The following PIP4K2A variants were observed in gnomAD, a reference collection of about 807,000 sequenced individuals.
The protein encoded by PIP4K2A is phosphatidylinositol 5-phosphate 4-kinase type-2 alpha.
PIP4K2A carries 14 observed loss-of-function variants against 42.9 expected under a neutral mutation model. The observed-to-expected ratio is 0.33, with a 90% CI of 0.22 to 0.51. The LOEUF (loss-of-function observed/expected upper bound fraction) is 0.51. PIP4K2A is among the 20% of genes least tolerant of loss of function. The probability of loss-of-function intolerance (pLI) is 0.97; values close to 1 mark genes in which losing one functional copy is unlikely to be tolerated. For missense variants in PIP4K2A, 434 were observed against 519.8 expected, an observed-to-expected ratio of 0.83 and a Z score of 1.61; for synonymous variants, 192 against 192.2, an observed-to-expected ratio of 1.00 and a Z score of 0.01.
chr10:22,597,805 G>A (rs552705116), intron 3 of PIP4K2A, among the ~76,000 whole-genome samples: 2 of 152,072 alleles, frequency 1.3e-5, no homozygotes, highest in Admixed American at 1.3e-4. Context: ...AATCTGAGAT[G>A]AAGCTGATCC....
intron 1 of PIP4K2A, among the ~76,000 whole-genome samples, chr10:22,703,872 G>C (rs1037348294): frequency 6.6e-6 from 1 of 152,142 alleles, no homozygotes; most frequent in African/African-American, 2.4e-5. Flanking sequence ...GGAGAAAAAA[G>C]CATAATCAAG....
At chr10:22,713,301 C>T (rs1020055878) in intron 1 of PIP4K2A, among the ~76,000 whole-genome samples, 1 of 152,196 alleles carries the variant, frequency 6.6e-6, no homozygotes, top group Non-Finnish European at 1.5e-5. Flanking sequence ...CCTTTCCACG[C>T]GTTCTCCAGC....
At chr10:22,673,724 C>T (rs1456016726) in intron 1 of PIP4K2A, among the ~76,000 whole-genome samples, 3 of 152,106 alleles carry the variant, frequency 2.0e-5, no homozygotes, top group African/African-American at 7.2e-5. Flanking sequence ...AGCACTATTC[C>T]CAACACAGCC....
intron 1 of PIP4K2A, among the ~76,000 whole-genome samples, chr10:22,624,889 C>T (rs1350629851): frequency 6.6e-6 from 1 of 152,300 alleles, no homozygotes; most frequent in Admixed American, 6.5e-5. Flanking sequence ...TTTATATCAG[C>T]ACACTTAGTA....
chr10:22,651,199 G>A (rs1382019356), intron 1 of PIP4K2A, among the ~76,000 whole-genome samples: 2 of 152,126 alleles, frequency 1.3e-5, no homozygotes. Flanking sequence ...GACTCACTAA[G>A]TCTGTCCACC....
At chr10:22,537,762 G>C (rs1417762430) in intron 9 of PIP4K2A, among the ~76,000 whole-genome samples, 1 of 152,162 alleles carries the variant, frequency 6.6e-6, no homozygotes, top group Admixed American at 6.5e-5. Flanking sequence ...CTGGACAGAG[G>C]CCCCCAGCTC....
chr10:22,647,500 G>C (rs990867084), intron 1 of PIP4K2A, among the ~76,000 whole-genome samples: 1 of 151,070 alleles, frequency 6.6e-6, no homozygotes. Flanking sequence ...TGATGGCAGA[G>C]GCATCCCATC....
At chr10:22,662,471 T>C (rs992048173) in intron 1 of PIP4K2A, among the ~76,000 whole-genome samples, 2 of 152,252 alleles carry the variant, frequency 1.3e-5, no homozygotes, top group Non-Finnish European at 2.9e-5. Flanking sequence ...CTAAATTTGA[T>C]ATTTGTGCGT....
intron 1 of PIP4K2A, among the ~76,000 whole-genome samples, chr10:22,630,170 A>G (rs1366902083): frequency 6.7e-6 from 1 of 148,580 alleles, no homozygotes; most frequent in Non-Finnish European, 1.5e-5. Context: ...CGACTTCATG[A>G]CTACAAAAAA....
At chr10:22,575,767 A>G (rs531995765) in intron 4 of PIP4K2A, among the ~76,000 whole-genome samples, 1 of 152,040 alleles carries the variant, frequency 6.6e-6, no homozygotes, top group South Asian at 2.1e-4. Flanking sequence ...GTGATACCCC[A>G]TCTCTACTAA....
At chr10:22,645,847 C>T (rs1402720885) in intron 1 of PIP4K2A, among the ~76,000 whole-genome samples, 3 of 151,794 alleles carry the variant, frequency 2.0e-5, no homozygotes, top group South Asian at 2.1e-4. Context: ...ACTACAGGTA[C>T]GAGCCAACAC....
In PIP4K2A at chr10:22,534,943, T is replaced by C. The variant is rs1835883850; in HGVS notation, c.*2258A>G. The C allele has an allele frequency of 6.6e-6, 1 of 152,162 alleles. No homozygotes were observed. The highest frequency in any genetic ancestry group is 1.5e-5 in the Non-Finnish European group (1 of 68,032). 9.4% of individuals were successfully genotyped at this position (152,162 alleles called of 1,614,324 possible). On this transcript the variant is annotated 3_prime_UTR_variant, in exon 10 of 10. Coordinates refer to ENST00000376573, the MANE Select transcript of PIP4K2A (RefSeq NM_005028.5). The stretch of plus-strand genomic sequence containing the variant: ...TGTGTTTGGAACAGAGACACACAAT[T>C]GGGACAGAGGAAAAAAGGATTCATC...
chr10:22,685,150 G>A (rs1839737960), intron 1 of PIP4K2A, among the ~76,000 whole-genome samples: 1 of 152,000 alleles, frequency 6.6e-6, no homozygotes, highest in South Asian at 2.1e-4. Context: ...AGTATTTAAA[G>A]TTATGAGATA....
At chr10:22,577,445 TC>T (rs962758622) in intron 4 of PIP4K2A, among the ~76,000 whole-genome samples, 5 of 152,094 alleles carry the variant, frequency 3.3e-5, no homozygotes, top group African/African-American at 1.2e-4. Flanking sequence ...AAAAGAGCCT[TC>T]CCCTCTCCTT....
chr10:22,580,501 A>G (rs1464182481), intron 4 of PIP4K2A, among the ~76,000 whole-genome samples: 1 of 151,906 alleles, frequency 6.6e-6, no homozygotes, highest in Non-Finnish European at 1.5e-5. Context: ...AGAAAATAAA[A>G]GAAAGACAGT....
At chr10:22,614,146 G>A (rs554530299) in intron 1 of PIP4K2A, among the ~76,000 whole-genome samples, 8 of 152,242 alleles carry the variant, frequency 5.3e-5, no homozygotes, top group African/African-American at 1.7e-4. Flanking sequence ...TAAATGTCAG[G>A]GAAACACAAA....
At chr10:22,665,333 A>G (rs905128350) in intron 1 of PIP4K2A, among the ~76,000 whole-genome samples, 8 of 152,354 alleles carry the variant, frequency 5.3e-5, no homozygotes, top group South Asian at 2.1e-4. Context: ...ACTACATCAT[A>G]CAGATCCCTC....
At chr10:22,581,647 C>T (rs1479293986) in intron 4 of PIP4K2A, among the ~76,000 whole-genome samples, 1 of 151,400 alleles carries the variant, frequency 6.6e-6, no homozygotes, top group Non-Finnish European at 1.5e-5. Flanking sequence ...CATAGCTGGG[C>T]ACCTCTTGCT....
chr10:22,677,712 A>G (rs780963599), intron 1 of PIP4K2A, among the ~76,000 whole-genome samples: 5 of 152,248 alleles, frequency 3.3e-5, no homozygotes, highest in Non-Finnish European at 7.3e-5. Flanking sequence ...AGTTTCCTAC[A>G]AACTATTCAC....
Sources: gnomAD v4.1 joint callset for allele counts (sites outside exome capture counted in the v4.1 genomes callset) on GRCh38, gnomAD v4.1.1 for gene constraint, MANE v1.5 for transcripts, NCBI Gene and HGNC (gene_info 2026-07-23, HGNC 2026-07-21) for gene names.